The following ASTN1 variants were observed in gnomAD, a reference collection of about 807,000 sequenced individuals.
ASTN1 encodes astrotactin-1.
A neutral mutation model predicts 140.7 loss-of-function variants in ASTN1; 41 were observed. The observed-to-expected ratio is 0.29, with a 90% CI of 0.23 to 0.38. The LOEUF (loss-of-function observed/expected upper bound fraction) is 0.38. Among genes scored for constraint, ASTN1 ranks in the 10% least tolerant of loss-of-function variants. ASTN1 has a pLI of 1.00. For missense variants in ASTN1, 1,479 were observed against 1,678.8 expected (o/e 0.88, Z 2.08); for synonymous variants, 640 against 652.2 (o/e 0.98, Z 0.29).
chr1:177,004,596 C>T (rs1420164040), intron 8 of ASTN1, among the ~76,000 whole-genome samples: 2 of 152,032 alleles, frequency 1.3e-5, no homozygotes, highest in Non-Finnish European at 2.9e-5. Context: ...ACTATCATAA[C>T]CAAAATAGCA....
At chr1:177,159,053 C>T (rs554765171) in intron 1 of ASTN1, among the ~76,000 whole-genome samples, 6 of 126,202 alleles carry the variant, frequency 4.8e-5, no homozygotes, top group South Asian at 2.5e-4. Context: ...GGCAACAAAG[C>T]GAGGATCCAT....
intron 2 of ASTN1, among the ~76,000 whole-genome samples, chr1:177,056,183 G>A (rs926654909): frequency 6.6e-6 from 1 of 152,192 alleles, no homozygotes; most frequent in Non-Finnish European, 1.5e-5. Context: ...TCTTCTGTGG[G>A]TTCTGTACTG....
At chr1:177,024,552 C>T (rs1676004387) in intron 6 of ASTN1, 31 bp downstream of exon 6, 1 of 1,605,878 alleles carries the variant, frequency 6.2e-7, no homozygotes, top group South Asian at 1.1e-5. Context: ...TTTTGGGGGG[C>T]AAGGTCGCAT....
chr1:177,024,959 A>G (rs532658160), intron 5 of ASTN1, among the ~76,000 whole-genome samples: 5 of 152,302 alleles, frequency 3.3e-5, no homozygotes, highest in African/African-American at 9.6e-5. Flanking sequence ...CCTCCAGGTC[A>G]ATAATAGTCT....
chr1:177,010,661 A>G (rs1675244098), intron 8 of ASTN1, among the ~76,000 whole-genome samples: 1 of 152,124 alleles, frequency 6.6e-6, no homozygotes, highest in South Asian at 2.1e-4. Flanking sequence ...CCAACACACA[A>G]ATGTTTCAAC....
chr1:177,162,071 A>G (rs1234062215), intron 1 of ASTN1, among the ~76,000 whole-genome samples: 1 of 152,226 alleles, frequency 6.6e-6, no homozygotes, highest in African/African-American at 2.4e-5. Context: ...AGATGGATTA[A>G]GTAAACAAGG....
At chr1:176,912,697 C>G (rs1670297171) in intron 16 of ASTN1, among the ~76,000 whole-genome samples, 1 of 152,140 alleles carries the variant, frequency 6.6e-6, no homozygotes, top group African/African-American at 2.4e-5. Flanking sequence ...GCTATACTAC[C>G]TCCCATAATG....
intron 8 of ASTN1, among the ~76,000 whole-genome samples, chr1:177,011,423 C>T (rs1287773271): frequency 6.6e-6 from 1 of 152,142 alleles, no homozygotes; most frequent in Non-Finnish European, 1.5e-5. Flanking sequence ...CCATCTTCTT[C>T]TATAAATAAC....
At chr1:176,884,594 A>C in intron 18 of ASTN1, 104 bp from the exon 19 acceptor site, 1 of 1,298,208 alleles carries the variant, frequency 7.7e-7, no homozygotes, top group Non-Finnish European at 1.1e-6. Context: ...TTCCCAACCA[A>C]CTACAAAAAT....
intron 1 of ASTN1, among the ~76,000 whole-genome samples, chr1:177,114,072 T>A (rs1680956900): frequency 6.6e-6 from 1 of 152,318 alleles, no homozygotes; most frequent in South Asian, 2.1e-4. Context: ...ACATGTTGCC[T>A]GGCAGAGCTC....
chr1:176,975,142 G>T (rs1237453588), intron 8 of ASTN1, among the ~76,000 whole-genome samples: 1 of 152,242 alleles, frequency 6.6e-6, no homozygotes, highest in African/African-American at 2.4e-5. Context: ...GCAAAGGGAA[G>T]AAATCTTGAG....
At chr1:176,927,038 A>G (rs1436944098) in intron 16 of ASTN1, among the ~76,000 whole-genome samples, 5 of 152,230 alleles carry the variant, frequency 3.3e-5, no homozygotes, top group African/African-American at 1.2e-4. Flanking sequence ...GGAAGACATG[A>G]CATCTTGTCT....
chr1:177,010,706 C>T (rs1488196895), intron 8 of ASTN1, among the ~76,000 whole-genome samples: 1 of 152,198 alleles, frequency 6.6e-6, no homozygotes, highest in African/African-American at 2.4e-5. Flanking sequence ...TGTGGCAGAA[C>T]TGGAGTCACC....
intron 20 of ASTN1, among the ~76,000 whole-genome samples, 181 bp downstream of exon 20, chr1:176,882,678 T>TC (rs1429581551): frequency 1.3e-5 from 2 of 152,130 alleles, no homozygotes; most frequent in African/African-American, 4.8e-5. Context: ...TCTTTCTAGA[T>TC]CCCCCCATTC....
At chr1:176,985,811 T>C (rs1673865531) in intron 8 of ASTN1, among the ~76,000 whole-genome samples, 1 of 151,248 alleles carries the variant, frequency 6.6e-6, no homozygotes, top group South Asian at 2.1e-4. Flanking sequence ...TCTTTAGTCC[T>C]AGCTATTTTA....
At chr1:177,146,914 C>A (rs1260555607) in intron 1 of ASTN1, among the ~76,000 whole-genome samples, 1 of 152,116 alleles carries the variant, frequency 6.6e-6, no homozygotes, top group African/African-American at 2.4e-5. Flanking sequence ...AGCAAAAGTG[C>A]TTTCTGTGTG....
Position 176,861,593 on chromosome 1 carries a change from T to G in ASTN1, c.*2691A>C, listed in dbSNP as rs919730121. On this transcript the variant is annotated 3_prime_UTR_variant, in exon 23 of 23. Coordinates refer to ENST00000361833, the MANE Select transcript of ASTN1 (RefSeq NM_004319.3). Reference sequence around the variant, plus strand: ...CCTCCAGTCAATTGTACAACCATCCTAAGATTTTCCCCTGCCCTGTTCATA... The same window carrying G: ...CCTCCAGTCAATTGTACAACCATCCGAAGATTTTCCCCTGCCCTGTTCATA... The G allele has an allele frequency of 1.0e-6, 1 of 985,596 alleles. No individual in the cohort carries two copies. Among genetic ancestry groups the G allele is most frequent in the Admixed American group, 6.1e-5 (1 of 16,284 alleles). The allele number at this position is 985,596 out of a possible 1,614,324, so 61.1% of individuals were successfully genotyped here. A position where few individuals can be genotyped will look rare whatever the true frequency, so the allele number is the denominator to read the frequency against.
At chr1:176,905,802 C>T (rs538213774) in intron 16 of ASTN1, among the ~76,000 whole-genome samples, 1 of 152,322 alleles carries the variant, frequency 6.6e-6, no homozygotes, top group East Asian at 1.9e-4. Flanking sequence ...GTCTCTGCAG[C>T]TGCCTCTCCC....
intron 2 of ASTN1, among the ~76,000 whole-genome samples, chr1:177,039,577 C>T (rs902897141): frequency 2.0e-4 from 30 of 152,142 alleles, no homozygotes; most frequent in African/African-American, 6.5e-4. Context: ...TGTGATACTA[C>T]GGAGCCTACT....
Sources: gnomAD v4.1 joint callset for allele counts (sites outside exome capture counted in the v4.1 genomes callset) on GRCh38, gnomAD v4.1.1 for gene constraint, MANE v1.5 for transcripts, NCBI Gene and HGNC (gene_info 2026-07-23, HGNC 2026-07-21) for gene names.